NTM: variants seen among roughly 807,000 people sequenced by gnomAD.
NTM encodes neurotrimin, also known as IgLON family member 2.
NTM carries 13 observed loss-of-function variants against 42.1 expected under a neutral mutation model. The observed-to-expected ratio is 0.31, with a 90% CI of 0.20 to 0.49. NTM has a LOEUF of 0.49. Among genes scored for constraint, NTM ranks in the 20% least tolerant of loss-of-function variants. The pLI is 0.99. For synonymous variants in NTM, 187 were observed against 179.2 expected (o/e 1.04, Z -0.35); for missense variants, 373 against 452.8 (o/e 0.82, Z 1.60).
chr11:132,031,668 A>G (rs189257159), intron 2 of NTM, among the ~76,000 whole-genome samples: 95 of 152,256 alleles, frequency 6.2e-4, no homozygotes, highest in Non-Finnish European at 4.1e-4. Flanking sequence ...GGCTTGAGAT[A>G]CCTCTTAGGC....
chr11:132,294,327 C>T (rs2140041676), intron 4 of NTM, among the ~76,000 whole-genome samples: 1 of 152,146 alleles, frequency 6.6e-6, no homozygotes, highest in South Asian at 2.1e-4. Context: ...AGTTTTTTAT[C>T]AGCTGCTAAC....
Position 132,124,780 on chromosome 11 carries a change from TGTC to T in NTM, c.168-21501_168-21499del, listed in dbSNP as rs1397264441. Among the ~76,000 whole-genome samples the T allele has an allele frequency of 4.6e-5, 7 of 152,224 alleles. No individual in the cohort carries two copies. In the East Asian group the frequency reaches 1.4e-3, roughly 29 times the overall value. On this transcript the variant is annotated intron_variant, in intron 2 of 8. Transcript: ENST00000683400. Reference sequence around the variant, plus strand: ...TTGCCTGAGTCCAGGAGATTGAAATTGTCAGCCTCAGCAACATAACAAGACCCT... The same window carrying T: ...TTGCCTGAGTCCAGGAGATTGAAATTAGCCTCAGCAACATAACAAGACCCT...
chr11:131,906,234 C>T (rs1328686795), intron 1 of NTM, among the ~76,000 whole-genome samples: 2 of 152,080 alleles, frequency 1.3e-5, no homozygotes, highest in African/African-American at 4.8e-5. Context: ...GTAACCTGTC[C>T]TCTGGGGGTC....
chr11:132,289,351 C>T (rs2094372262), intron 4 of NTM, among the ~76,000 whole-genome samples: 1 of 152,214 alleles, frequency 6.6e-6, no homozygotes, highest in South Asian at 2.1e-4. Context: ...GTGGTTTACA[C>T]AAGAGTTCAG....
chr11:131,452,254 C>T (rs1950543866), intron 1 of NTM, among the ~76,000 whole-genome samples: 1 of 152,208 alleles, frequency 6.6e-6, no homozygotes, highest in Non-Finnish European at 1.5e-5. Flanking sequence ...TGCCGAGCGC[C>T]CCGTGGCCTC....
At chr11:131,983,374 CTTTTTT>C (rs151133606) in intron 2 of NTM, among the ~76,000 whole-genome samples, 2 of 122,402 alleles carry the variant, frequency 1.6e-5, no homozygotes, top group African/African-American at 6.2e-5. Flanking sequence ...AAAATTGTAT[CTTTTTT>C]TTTTTTTTTT....
At chr11:131,927,950 G>A (rs569134087) in intron 2 of NTM, among the ~76,000 whole-genome samples, 2 of 151,978 alleles carry the variant, frequency 1.3e-5, no homozygotes, top group African/African-American at 4.8e-5. Flanking sequence ...GTTCTATATT[G>A]GGAACAAAGG....
intron 1 of NTM, among the ~76,000 whole-genome samples, chr11:131,546,397 C>T (rs1181158261): frequency 6.6e-6 from 1 of 152,212 alleles, no homozygotes; most frequent in African/African-American, 2.4e-5. Context: ...GGCCACTGTC[C>T]TGTTTCCCTG....
rs2080440902 is a variant in NTM, at chr11:132,060,294, T to C, written c.168-85988T>C. On this transcript the variant is annotated intron_variant, in intron 2 of 8. Coordinates refer to ENST00000683400, the MANE Select transcript of NTM (RefSeq NM_001352005.2). ...GTTTAGGGAACGGGCAATGAAATTGTGTAGGCAAGGGGTGCTCCGTTTACC... is the reference window on the plus strand; with the variant it reads ...GTTTAGGGAACGGGCAATGAAATTGCGTAGGCAAGGGGTGCTCCGTTTACC... 3.9e-5 allele frequency among the ~76,000 whole-genome samples: 6 copies of C among 152,250 alleles called. No homozygotes were observed. In the South Asian group the frequency reaches 1.2e-3, roughly 31 times the overall value.
At chr11:131,656,783 T>G (rs181373068) in intron 1 of NTM, among the ~76,000 whole-genome samples, 1 of 152,152 alleles carries the variant, frequency 6.6e-6, no homozygotes, top group Non-Finnish European at 1.5e-5. Flanking sequence ...GAGAGGGTGT[T>G]TGAGACAGAG....
intron 1 of NTM, among the ~76,000 whole-genome samples, chr11:131,440,268 G>A (rs1949507193): frequency 6.6e-6 from 1 of 151,840 alleles, no homozygotes; most frequent in South Asian, 2.1e-4. Flanking sequence ...TTATTTTTCT[G>A]TTGAGAGGTG....
At chr11:131,783,898 T>G (rs533325326) in intron 1 of NTM, among the ~76,000 whole-genome samples, 1 of 152,276 alleles carries the variant, frequency 6.6e-6, no homozygotes, top group African/African-American at 2.4e-5. Flanking sequence ...GCAAATGACT[T>G]GTAACCATAA....
chr11:131,866,802 G>A (rs892335634), intron 1 of NTM, among the ~76,000 whole-genome samples: 2 of 152,160 alleles, frequency 1.3e-5, no homozygotes, highest in South Asian at 2.1e-4. Context: ...AAAAAGTGGC[G>A]ATTTCACTAC....
intron 2 of NTM, among the ~76,000 whole-genome samples, chr11:131,938,704 A>C (rs899078230): frequency 6.6e-6 from 1 of 152,178 alleles, no homozygotes; most frequent in African/African-American, 2.4e-5. Context: ...TGTGCCTATA[A>C]GAGGTGGTGG....
chr11:132,285,826 A>G (rs1427027726), intron 4 of NTM, among the ~76,000 whole-genome samples: 1 of 152,138 alleles, frequency 6.6e-6, no homozygotes, highest in Non-Finnish European at 1.5e-5. Flanking sequence ...GCCTTGACAG[A>G]TGAGTCTCAC....
chr11:131,797,363 A>C (rs1318145121), intron 1 of NTM, among the ~76,000 whole-genome samples: 3 of 152,248 alleles, frequency 2.0e-5, no homozygotes, highest in Non-Finnish European at 2.9e-5. Flanking sequence ...CAAGCCGTAA[A>C]AAGTGACCTG....
At chr11:131,739,853 C>A (rs148026483) in intron 1 of NTM, among the ~76,000 whole-genome samples, 10 of 152,300 alleles carry the variant, frequency 6.6e-5, no homozygotes, top group African/African-American at 2.4e-4. Flanking sequence ...ATAGCAGCAG[C>A]TTGAAGATGA....
At chr11:131,764,278 C>T (rs1345088960) in intron 1 of NTM, among the ~76,000 whole-genome samples, 1 of 152,110 alleles carries the variant, frequency 6.6e-6, no homozygotes, top group East Asian at 1.9e-4. Flanking sequence ...CAGACTTTAC[C>T]TGGCAAAGCT....
intron 4 of NTM, among the ~76,000 whole-genome samples, chr11:132,259,605 G>A (rs1035899415): frequency 2.0e-5 from 3 of 151,744 alleles, no homozygotes; most frequent in African/African-American, 2.4e-5. Flanking sequence ...GTTTGAACCC[G>A]GGAGGCAGAG....
Sources: allele counts gnomAD v4.1 joint callset (sites outside exome capture counted in the v4.1 genomes callset), GRCh38; gene constraint gnomAD v4.1.1; transcripts MANE v1.5; gene names NCBI Gene and HGNC (gene_info 2026-07-23, HGNC 2026-07-21).